The following SRP19 variants were observed in gnomAD, a reference collection of about 807,000 sequenced individuals.
SRP19 encodes the protein signal recognition particle 19 kDa protein.
In SRP19, 11 loss-of-function variants were observed where a neutral mutation model predicts 22.4. The ratio of observed to expected loss-of-function variants is 0.49; its 90% CI spans 0.31 to 0.81. The LOEUF (loss-of-function observed/expected upper bound fraction) is 0.81, where lower values mean the gene tolerates loss of function less well. Among genes scored for constraint, SRP19 ranks in the 40% least tolerant of loss-of-function variants. SRP19 has a pLI of 0.05. For missense variants in SRP19, 168 were observed against 175.9 expected, an observed-to-expected ratio of 0.96 and a Z score of 0.25; for synonymous variants, 61 against 57.6, an observed-to-expected ratio of 1.06 and a Z score of -0.27.
intron 4 of SRP19, among the ~76,000 whole-genome samples, chr5:112,886,756 G>A (rs1483738230): frequency 2.0e-5 from 3 of 152,122 alleles, no homozygotes; most frequent in South Asian, 2.1e-4. Context: ...CTCTAAAATC[G>A]CTGCCTACCA....
At chr5:112,894,487 A>C (rs1411390867), downstream of SRP19, 4 of 152,218 alleles carry the variant, frequency 2.6e-5, no homozygotes, top group Non-Finnish European at 4.4e-5. Flanking sequence ...AAAGCTATAC[A>C]TCCCCAAAAT....
intron 4 of SRP19, chr5:112,884,981 T>C (rs982251451): frequency 6.6e-6 from 1 of 152,124 alleles, no homozygotes; most frequent in Admixed American, 6.6e-5. Flanking sequence ...TAAATAAATA[T>C]TTATTGAGTG....
intron 4 of SRP19, among the ~76,000 whole-genome samples, chr5:112,881,128 C>CAAAAAAAA (rs58737941): frequency 3.0e-5 from 2 of 67,202 alleles, no homozygotes; most frequent in African/African-American, 6.1e-5. Context: ...GACTCTGTTT[C>CAAAAAAAA]AAAAAAAAAA....
chr5:112,894,005 G>C (rs1325804720), downstream of SRP19: 1 of 152,166 alleles, frequency 6.6e-6, no homozygotes, highest in Non-Finnish European at 1.5e-5. Flanking sequence ...TTTTTCACTG[G>C]CATTAGCTTT....
chr5:112,870,592 G>A (rs1767734675), downstream of SRP19, among the ~76,000 whole-genome samples: 1 of 152,174 alleles, frequency 6.6e-6, no homozygotes. Flanking sequence ...TATTTTGGAT[G>A]TCCCCTCCAA....
In SRP19 at chr5:112,867,797, T is replaced by C; in HGVS notation, c.*260T>C. 1 of 1,166,422 alleles carries C rather than the reference T, an allele frequency of 8.6e-7. No individual in the cohort carries two copies. The highest frequency in any genetic ancestry group is 1.1e-6 in the Non-Finnish European group (1 of 945,110). The allele number at this position is 1,166,422 out of a possible 1,614,324, so 72.3% of individuals were successfully genotyped here. On this transcript the variant is annotated 3_prime_UTR_variant, in exon 5 of 5. Coordinates refer to ENST00000505459, the MANE Select transcript of SRP19 (RefSeq NM_003135.3). ...GAAGAAAATATTTTTAAATGGACAA[T>C]GGACTGTACAATAAGTTACTTGAAA... is the stretch of plus-strand genomic sequence containing the variant.
intron 4 of SRP19, chr5:112,885,726 G>T (rs747686266): frequency 8.7e-5 from 26 of 300,092 alleles, no homozygotes; most frequent in Middle Eastern, 5.6e-4. Flanking sequence ...TATCAGCCAA[G>T]CTTGAAGCTA....
chr5:112,867,900 G>T lies in SRP19; in HGVS notation c.*363G>T, dbSNP rs920469967. 613 of 991,182 alleles carry T rather than the reference G, an allele frequency of 6.2e-4. 1 individual carries two copies. The highest frequency in any genetic ancestry group is 7.1e-4 in the Non-Finnish European group (594 of 832,796). The allele number at this position is 991,182 out of a possible 1,614,324, so 61.4% of individuals were successfully genotyped here. ...CTTTTAAGTTAATGAAATAAAATTT[G>T]AAACTGACTTTTGCAGCTTTTGCTT... On this transcript the variant is annotated 3_prime_UTR_variant, in exon 5 of 5. Coordinates refer to ENST00000505459, the MANE Select transcript of SRP19 (RefSeq NM_003135.3).
At chr5:112,889,732 G>A (rs1768374720) in intron 4 of SRP19, among the ~76,000 whole-genome samples, 1 of 150,292 alleles carries the variant, frequency 6.7e-6, no homozygotes, top group African/African-American at 2.5e-5. Flanking sequence ...TGTAATCCCA[G>A]CACTTTGGGA....
chr5:112,892,197 C>T (rs756493903), exon 5 of SRP19: 7 of 1,614,156 alleles, frequency 4.3e-6, no homozygotes, highest in South Asian at 1.1e-5. Context: ...CAGGAGCTTG[C>T]AGATTTGGAG....
At chr5:112,891,628 G>C in exon 5 of SRP19, 2 of 1,592,304 alleles carry the variant, frequency 1.3e-6, no homozygotes, top group South Asian at 1.1e-5. Context: ...GGGGTCAGGC[G>C]GTGCTGGCAA....
At chr5:112,893,499 C>T (rs143674874), downstream of SRP19, 678 of 156,082 alleles carry the variant, frequency 4.3e-3, 2 homozygotes, top group South Asian at 0.014. Flanking sequence ...CCATAATCTC[C>T]ATGTTATGAT....
intron 4 of SRP19, among the ~76,000 whole-genome samples, chr5:112,881,501 C>T (rs1010042967): frequency 2.6e-5 from 4 of 152,214 alleles, no homozygotes; most frequent in Admixed American, 6.5e-5. Context: ...GTTTCCTTTA[C>T]CTTCTTGCTC....
At chr5:112,896,883 C>T (rs1198491360), downstream of SRP19, 1 of 152,102 alleles carries the variant, frequency 6.6e-6, no homozygotes, top group African/African-American at 2.4e-5. Flanking sequence ...GAGCAGAGGT[C>T]ACGCCACTGC....
At chr5:112,880,709 T>C (rs1347011575) in intron 4 of SRP19, among the ~76,000 whole-genome samples, 1 of 152,188 alleles carries the variant, frequency 6.6e-6, no homozygotes, top group Non-Finnish European at 1.5e-5. Flanking sequence ...AGATTGGATT[T>C]TAAGTATTGA....
Position 112,869,441 on chromosome 5 carries a change from C to G in SRP19, c.*1904C>G, listed in dbSNP as rs1381291063. 6.6e-6 allele frequency: 1 copy of G among 152,220 alleles called. No individual in the cohort carries two copies. Among genetic ancestry groups the G allele is most frequent in the Non-Finnish European group, 1.5e-5 (1 of 68,058 alleles). The allele number at this position is 152,220 out of a possible 1,614,324, so 9.4% of individuals were successfully genotyped here. A position where few individuals can be genotyped will look rare whatever the true frequency, so the allele number is the denominator to read the frequency against. On this transcript the variant is annotated 3_prime_UTR_variant, in exon 5 of 5. Coordinates refer to ENST00000505459, the MANE Select transcript of SRP19 (RefSeq NM_003135.3). ...GTTGAGAACTGTGACAGGTCCATCT[C>G]TAGCTGCAAAGGAGGCTGAGAAAGT...
In SRP19 at chr5:112,867,720, T is replaced by G. The variant is rs1002491404; in HGVS notation, c.*183T>G. The G allele has an allele frequency of 1.5e-6, 2 of 1,344,354 alleles. No homozygotes were observed. The highest frequency in any genetic ancestry group is 2.9e-5 in the African/African-American group (2 of 68,634). 83.3% of individuals were successfully genotyped at this position (1,344,354 alleles called of 1,614,324 possible). A position where few individuals can be genotyped will look rare whatever the true frequency, so the allele number is the denominator to read the frequency against. The stretch of plus-strand genomic sequence containing the variant: ...CAAATTTACATCAGAAGTTTGCATC[T>G]CGCGTATATGCCGTATAAAAGAATT... On this transcript the variant is annotated 3_prime_UTR_variant, in exon 5 of 5. Coordinates refer to ENST00000505459, the MANE Select transcript of SRP19 (RefSeq NM_003135.3).
At chr5:112,876,944 T>C (rs796316086) in intron 4 of SRP19, 30 of 152,330 alleles carry the variant, frequency 2.0e-4, no homozygotes, top group African/African-American at 6.0e-4. Flanking sequence ...ATATATTCTA[T>C]ATGCTGTCAA....
downstream of SRP19, among the ~76,000 whole-genome samples, chr5:112,874,037 A>C (rs1227480590): frequency 6.6e-6 from 1 of 152,130 alleles, no homozygotes. Context: ...CTGGTGGCAC[A>C]TACCTGTAGT....
Sources: allele counts gnomAD v4.1 joint callset (sites outside exome capture counted in the v4.1 genomes callset), GRCh38; gene constraint gnomAD v4.1.1; transcripts MANE v1.5; gene names NCBI Gene and HGNC (gene_info 2026-07-23, HGNC 2026-07-21).